The following PVT1 variants were observed in gnomAD, a reference collection of about 807,000 sequenced individuals.
PVT1 encodes the protein CXCR4/PVT1 fusion.
chr8:127,957,130 G>T (rs1816579274), intron 3 of PVT1, among the ~76,000 whole-genome samples: 2 of 152,122 alleles, frequency 1.3e-5, no homozygotes. Flanking sequence ...TGGAAGTGTA[G>T]GTTCAGAGAT....
intron 4 of PVT1, among the ~76,000 whole-genome samples, chr8:128,063,810 T>C (rs1462628910): frequency 6.6e-6 from 1 of 152,210 alleles, no homozygotes; most frequent in Non-Finnish European, 1.5e-5. Flanking sequence ...AATAATGTGT[T>C]GTATTCATGA....
At chr8:127,850,559 C>T (rs866728919) in intron 2 of PVT1, among the ~76,000 whole-genome samples, 6 of 152,276 alleles carry the variant, frequency 3.9e-5, no homozygotes, top group South Asian at 4.1e-4. Context: ...CCATGCACAG[C>T]CAGCTTTGCA....
intron 4 of PVT1, among the ~76,000 whole-genome samples, chr8:128,012,847 C>T (rs1278635309): frequency 6.6e-6 from 1 of 152,114 alleles, no homozygotes; most frequent in Admixed American, 6.5e-5. Context: ...CACCGTACTC[C>T]AGAGATTAAG....
In PVT1 at chr8:127,897,647, AAGAC is replaced by A. The variant is rs1178608542; in HGVS notation, n.782+6652_782+6655del. Among the ~76,000 whole-genome samples, 197 of 151,208 alleles carry A rather than the reference AAGAC, an allele frequency of 1.3e-3. 1 individual carries two copies. The highest frequency in any genetic ancestry group is 4.6e-3 in the African/African-American group (188 of 41,250). On this transcript the variant is annotated intron_variant and non_coding_transcript_variant, in intron 3 of 10. Transcript: ENST00000651587. Reference sequence around the variant, plus strand: ...AGAAAGAAAGACAGACAAAGAAAGAAAGACAGGAAGGAAGGAAGAAAGGAAAGAA... The same window carrying A: ...AGAAAGAAAGACAGACAAAGAAAGAAAGGAAGGAAGGAAGAAAGGAAAGAA...
chr8:127,930,180 A>G (rs1816186860), intron 3 of PVT1, among the ~76,000 whole-genome samples: 1 of 152,058 alleles, frequency 6.6e-6, no homozygotes, highest in Non-Finnish European at 1.5e-5. Flanking sequence ...TTTTTGGGAC[A>G]GAGTCTCACT....
chr8:127,811,030 C>T (rs1216880022), intron 2 of PVT1, among the ~76,000 whole-genome samples: 1 of 152,132 alleles, frequency 6.6e-6, no homozygotes, highest in Admixed American at 6.5e-5. Flanking sequence ...GATTGTACAA[C>T]CACACCAGGC....
chr8:127,840,767 G>GGTCCAGGCACC (rs1814964556), intron 2 of PVT1, among the ~76,000 whole-genome samples: 2 of 152,270 alleles, frequency 1.3e-5, no homozygotes, highest in African/African-American at 4.8e-5. Flanking sequence ...TGCCCATGCA[G>GGTCCAGGCACC]GAAGCTGGTC....
chr8:128,073,086 G>A (rs1442160694), intron 5 of PVT1, among the ~76,000 whole-genome samples: 4 of 151,874 alleles, frequency 2.6e-5, no homozygotes, highest in African/African-American at 9.7e-5. Flanking sequence ...TGCCCTTCTC[G>A]GCCTCCCAAA....
chr8:127,803,909 C>T (rs1044043608), intron 2 of PVT1, among the ~76,000 whole-genome samples: 6 of 152,068 alleles, frequency 3.9e-5, no homozygotes, highest in South Asian at 4.2e-4. Context: ...TTAGCAGAGA[C>T]GGGGTTTCAC....
rs184712988 is a variant in PVT1 at position 128,059,260 on chromosome 8, T to G, written n.913-10900T>G. Among the ~76,000 whole-genome samples, 9 of 152,254 alleles carry G rather than the reference T, an allele frequency of 5.9e-5. 1 individual carries two copies. The highest frequency in any genetic ancestry group is 2.2e-4 in the African/African-American group (9 of 41,550). Reference sequence around the variant, plus strand: ...TGAGATATGGCAGGGAAAGGCTCAATACGCAGCTCAACACAGGTGAATGCT... The same window carrying G: ...TGAGATATGGCAGGGAAAGGCTCAAGACGCAGCTCAACACAGGTGAATGCT... On this transcript the variant is annotated intron_variant and non_coding_transcript_variant, in intron 4 of 10. Coordinates refer to ENST00000651587, the Ensembl canonical transcript of PVT1.
At chr8:127,835,853 A>C (rs1389540040) in intron 2 of PVT1, among the ~76,000 whole-genome samples, 1 of 152,206 alleles carries the variant, frequency 6.6e-6, no homozygotes, top group Non-Finnish European at 1.5e-5. Flanking sequence ...AAGATTGTTT[A>C]GTATTCACGG....
chr8:127,993,097 A>T (rs1012475646), intron 4 of PVT1, among the ~76,000 whole-genome samples: 4 of 152,178 alleles, frequency 2.6e-5, no homozygotes, highest in African/African-American at 7.2e-5. Context: ...TTTCATACTG[A>T]GGTTTTTGGT....
At chr8:128,028,084 G>A (rs74559819) in intron 4 of PVT1, among the ~76,000 whole-genome samples, 4,747 of 152,310 alleles carry the variant, frequency 0.031, 120 homozygotes, top group East Asian at 0.13. Flanking sequence ...CAGCCCACAC[G>A]GCCTCCTTTT....
intron 3 of PVT1, among the ~76,000 whole-genome samples, chr8:127,957,619 C>T (rs985489282): frequency 6.6e-6 from 1 of 151,592 alleles, no homozygotes; most frequent in Non-Finnish European, 1.5e-5. Flanking sequence ...TTCTGCAGGC[C>T]ATGGGGGACA....
chr8:127,795,075 A>T (rs1267360291), intron 1 of PVT1, among the ~76,000 whole-genome samples: 1 of 152,104 alleles, frequency 6.6e-6, no homozygotes, highest in Non-Finnish European at 1.5e-5. Context: ...CTCTGGCGAA[A>T]CTAGAGGTCT....
At chr8:127,919,062 G>A (rs755347842) in intron 3 of PVT1, among the ~76,000 whole-genome samples, 10 of 152,182 alleles carry the variant, frequency 6.6e-5, no homozygotes, top group South Asian at 2.1e-4. Context: ...AAGGCAGTGC[G>A]CGTTGGGCCT....
intron 3 of PVT1, among the ~76,000 whole-genome samples, chr8:127,985,477 A>T (rs1816959585): frequency 6.6e-6 from 1 of 151,100 alleles, no homozygotes; most frequent in Non-Finnish European, 1.5e-5. Context: ...GATGAAGACC[A>T]GAGAAGCTAG....
rs34027484 is a variant in PVT1 at position 127,929,199 on chromosome 8, G to GT, written n.782+38219dup. Among the ~76,000 whole-genome samples the GT allele has an allele frequency of 3.7e-3, 517 of 138,140 alleles. 2 individuals carry two copies. The highest frequency in any genetic ancestry group is 9.1e-3 in the African/African-American group (339 of 37,420). The allele number at this position is 138,140 out of a possible 152,430, so 90.6% of individuals were successfully genotyped here. On this transcript the variant is annotated intron_variant and non_coding_transcript_variant, in intron 3 of 10. Transcript: ENST00000651587. ...AGGGTTTTCAGTTTTTCATTTTTCT[G>GT]TTTTTTTTTTTTTTTTTTATTTGTA...
rs1586407597 is a variant in PVT1 at position 127,853,644 on chromosome 8, G to A, written n.373-36945G>A. Reference sequence around the variant, plus strand: ...AAAAATACAAAAATCAGTTGGGTGTGGTGGTGGGTGCCTGTAATCCCAGCT... The same window carrying A: ...AAAAATACAAAAATCAGTTGGGTGTAGTGGTGGGTGCCTGTAATCCCAGCT... On this transcript the variant is annotated intron_variant and non_coding_transcript_variant, in intron 2 of 10. Coordinates refer to ENST00000651587, the Ensembl canonical transcript of PVT1. Among the ~76,000 whole-genome samples the A allele has an allele frequency of 3.3e-5, 5 of 152,122 alleles. No individual in the cohort carries two copies. In the East Asian group the frequency reaches 9.7e-4, roughly 29 times the overall value.
Sources: allele counts gnomAD v4.1 joint callset (sites outside exome capture counted in the v4.1 genomes callset), GRCh38; gene constraint gnomAD v4.1.1; transcripts MANE v1.5; gene names NCBI Gene and HGNC (gene_info 2026-07-23, HGNC 2026-07-21).